Variants in HS3ST5 observed in about 807,000 individuals in gnomAD.
The protein encoded by HS3ST5 is heparan sulfate-glucosamine 3-sulfotransferase 5.
Under a neutral mutation model 25.4 loss-of-function variants are expected in HS3ST5, and 10 were observed. The observed-to-expected ratio is 0.39, with a 90% CI of 0.24 to 0.67. The LOEUF (loss-of-function observed/expected upper bound fraction) is 0.67, where lower values mean the gene tolerates loss of function less well. Ranked by LOEUF, HS3ST5 falls within the 30% of genes least tolerant of loss-of-function variation. HS3ST5 has a pLI of 0.44. For synonymous variants in HS3ST5, 170 were observed against 162.4 expected, an observed-to-expected ratio of 1.05 and a Z score of -0.36; for missense variants, 324 against 420.7, an observed-to-expected ratio of 0.77 and a Z score of 2.01.
intron 1 of HS3ST5, among the ~76,000 whole-genome samples, chr6:114,301,657 C>A (rs1158449793): frequency 6.6e-6 from 1 of 152,146 alleles, no homozygotes; most frequent in Non-Finnish European, 1.5e-5. Context: ...CTACCTGGGG[C>A]TGAATCCTTG....
chr6:114,170,628 G>A (rs1231743949), intron 2 of HS3ST5, among the ~76,000 whole-genome samples: 1 of 152,070 alleles, frequency 6.6e-6, no homozygotes, highest in Non-Finnish European at 1.5e-5. Context: ...ACATCAAACT[G>A]ACAACCATGA....
chr6:114,159,692 CTGTG>C (rs1322590615), intron 3 of HS3ST5, among the ~76,000 whole-genome samples: 1 of 152,086 alleles, frequency 6.6e-6, no homozygotes, highest in Non-Finnish European at 1.5e-5. Context: ...ATACATTTTT[CTGTG>C]TGTATGTTAG....
intron 1 of HS3ST5, among the ~76,000 whole-genome samples, chr6:114,255,393 C>T (rs1039771494): frequency 1.2e-4 from 19 of 152,128 alleles, no homozygotes; most frequent in Non-Finnish European, 1.2e-4. Flanking sequence ...CCACAGACAC[C>T]GCTGAGTGTC....
At chr6:114,242,855 G>A (rs1334927350) in intron 1 of HS3ST5, among the ~76,000 whole-genome samples, 4 of 114,310 alleles carry the variant, frequency 3.5e-5, no homozygotes, top group South Asian at 2.7e-4. Flanking sequence ...GCGAGACTCC[G>A]TCTCAAAAAA....
At chr6:114,207,183 CTTTA>C (rs1781308199) in intron 2 of HS3ST5, among the ~76,000 whole-genome samples, 1 of 152,152 alleles carries the variant, frequency 6.6e-6, no homozygotes, top group Non-Finnish European at 1.5e-5. Flanking sequence ...GCATCAGTGG[CTTTA>C]TTTCTTTGTC....
intron 1 of HS3ST5, among the ~76,000 whole-genome samples, chr6:114,300,579 T>C (rs879739637): frequency 7.2e-5 from 11 of 152,158 alleles, no homozygotes; most frequent in Non-Finnish European, 1.5e-4. Context: ...ACAACCACTT[T>C]GGAAAACAAT....
intron 1 of HS3ST5, among the ~76,000 whole-genome samples, chr6:114,320,914 C>CTCTCTATA (rs1491517323): frequency 1.5e-5 from 2 of 135,718 alleles, no homozygotes; most frequent in African/African-American, 5.6e-5. Flanking sequence ...CTCTCTCTCT[C>CTCTCTATA]TATATATATA....
intron 3 of HS3ST5, among the ~76,000 whole-genome samples, chr6:114,064,875 A>C (rs1309105097): frequency 6.6e-6 from 1 of 152,192 alleles, no homozygotes. Flanking sequence ...AGGAGGCATG[A>C]GCGAGCAGAG....
chr6:114,320,893 G>GCT (rs10544089), intron 1 of HS3ST5, among the ~76,000 whole-genome samples: 274 of 140,448 alleles, frequency 2.0e-3, no homozygotes, highest in East Asian at 5.3e-3. Context: ...CATAGGAAGT[G>GCT]CTCTCTCTCT....
At chr6:114,096,040 A>G (rs551371232) in intron 3 of HS3ST5, among the ~76,000 whole-genome samples, 18 of 152,248 alleles carry the variant, frequency 1.2e-4, no homozygotes, top group Admixed American at 5.9e-4. Flanking sequence ...TTGTAAGACT[A>G]CCTTCACCTT....
At chr6:114,228,276 G>A (rs949572320) in intron 2 of HS3ST5, among the ~76,000 whole-genome samples, 3 of 152,078 alleles carry the variant, frequency 2.0e-5, no homozygotes, top group Non-Finnish European at 2.9e-5. Context: ...CCAATTTCAT[G>A]TGACTCCTAT....
chr6:114,235,377 G>C (rs1211608293), intron 1 of HS3ST5, among the ~76,000 whole-genome samples: 1 of 149,046 alleles, frequency 6.7e-6, no homozygotes, highest in African/African-American at 2.5e-5. Flanking sequence ...TGTATGATAA[G>C]AACTAAACAA....
At chr6:114,323,926 G>A (rs1296696063) in intron 1 of HS3ST5, among the ~76,000 whole-genome samples, 1 of 152,108 alleles carries the variant, frequency 6.6e-6, no homozygotes, top group Non-Finnish European at 1.5e-5. Context: ...GAGTCAGAGG[G>A]TGAGTAGCTG....
intron 1 of HS3ST5, among the ~76,000 whole-genome samples, chr6:114,251,275 G>A (rs1772646714): frequency 6.6e-6 from 1 of 152,172 alleles, no homozygotes; most frequent in African/African-American, 2.4e-5. Flanking sequence ...AGCCCAATAT[G>A]TCGAACAGAT....
chr6:114,246,800 T>C (rs1207107264), intron 1 of HS3ST5, among the ~76,000 whole-genome samples: 2 of 152,220 alleles, frequency 1.3e-5, no homozygotes, highest in Admixed American at 1.3e-4. Context: ...TGGGTTTCGT[T>C]CTGCTTTACC....
intron 1 of HS3ST5, among the ~76,000 whole-genome samples, chr6:114,290,292 C>T (rs1186269935): frequency 6.6e-6 from 1 of 152,068 alleles, no homozygotes; most frequent in Non-Finnish European, 1.5e-5. Flanking sequence ...GTGGCTACTG[C>T]TTTTACTAGT....
At chr6:114,272,938 G>A (rs1350013495) in intron 1 of HS3ST5, among the ~76,000 whole-genome samples, 1 of 152,044 alleles carries the variant, frequency 6.6e-6, no homozygotes, top group Non-Finnish European at 1.5e-5. Context: ...ACGAGAGAGG[G>A]GGAAGGAATG....
At chr6:114,266,974 C>T (rs1773430076) in intron 1 of HS3ST5, among the ~76,000 whole-genome samples, 1 of 152,186 alleles carries the variant, frequency 6.6e-6, no homozygotes, top group Non-Finnish European at 1.5e-5. Flanking sequence ...GAACACTTGG[C>T]TCTCACATTT....
intron 2 of HS3ST5, among the ~76,000 whole-genome samples, chr6:114,186,624 T>C (rs1780229507): frequency 6.6e-6 from 1 of 152,208 alleles, no homozygotes; most frequent in South Asian, 2.1e-4. Flanking sequence ...CAAATGTTGA[T>C]ATAGAGGCGG....
Sources: allele counts gnomAD v4.1 joint callset (sites outside exome capture counted in the v4.1 genomes callset), GRCh38; gene constraint gnomAD v4.1.1; transcripts MANE v1.5; gene names NCBI Gene and HGNC (gene_info 2026-07-23, HGNC 2026-07-21).